ST18: variants seen among roughly 807,000 people sequenced by gnomAD.
The protein encoded by ST18 is suppression of tumorigenicity 18 protein.
Under a neutral mutation model 110.0 loss-of-function variants are expected in ST18, and 50 were observed. That is an observed-to-expected ratio of 0.45 (90% CI 0.36 to 0.58). The LOEUF (loss-of-function observed/expected upper bound fraction) is 0.58. Among genes scored for constraint, ST18 ranks in the 20% least tolerant of loss-of-function variants. The pLI is 0.00. For synonymous variants in ST18, 461 were observed against 452.4 expected (o/e 1.02, Z -0.24); for missense variants, 1,306 against 1,280.1 (o/e 1.02, Z -0.31).
At chr8:52,237,321 T>C (rs1290672053) in intron 2 of ST18, among the ~76,000 whole-genome samples, 1 of 152,222 alleles carries the variant, frequency 6.6e-6, no homozygotes, top group Non-Finnish European at 1.5e-5. Flanking sequence ...AGTAGGATAA[T>C]TTGTTAAGCA....
intron 6 of ST18, among the ~76,000 whole-genome samples, chr8:52,215,789 C>T (rs1487061794): frequency 6.6e-6 from 1 of 152,158 alleles, no homozygotes; most frequent in African/African-American, 2.4e-5. Flanking sequence ...ATGAAAATGG[C>T]TTGGTTTACT....
chr8:52,140,788 T>G (rs1340636303), intron 17 of ST18, among the ~76,000 whole-genome samples: 7 of 152,206 alleles, frequency 4.6e-5, no homozygotes, highest in African/African-American at 1.7e-4. Flanking sequence ...CAGGTTAATT[T>G]TCAATCATTT....
At chr8:52,159,752 G>A (rs1047153921) in intron 14 of ST18, among the ~76,000 whole-genome samples, 1 of 152,154 alleles carries the variant, frequency 6.6e-6, no homozygotes, top group African/African-American at 2.4e-5. Flanking sequence ...GGCAGGAAAT[G>A]TTCTCAAGGT....
chr8:52,271,149 C>T (rs2095062419), intron 2 of ST18, among the ~76,000 whole-genome samples: 2 of 152,190 alleles, frequency 1.3e-5, no homozygotes, highest in Non-Finnish European at 2.9e-5. Flanking sequence ...CCGCCCACCT[C>T]AGCCTCCCAA....
At chr8:52,239,600 GAA>G (rs112823554) in intron 2 of ST18, among the ~76,000 whole-genome samples, 5,197 of 151,438 alleles carry the variant, frequency 0.034, 277 homozygotes, top group African/African-American at 0.12. Flanking sequence ...TTATAAAAAA[GAA>G]AAATACCAAA....
At chr8:52,136,737 A>T in intron 18 of ST18, 79 bp from the exon 19 acceptor site, 5 of 1,228,434 alleles carry the variant, frequency 4.1e-6, no homozygotes, top group Non-Finnish European at 5.7e-6. Context: ...TGAGTCGTGA[A>T]CATACGTTAA....
Position 52,204,679 on chromosome 8 carries a change from G to A in ST18, c.86+7400C>T, listed in dbSNP as rs143497293. ...CTCAGTCAAGAGTGGCAAATTCTGC[G>A]TGTAAAAATATTTATATTACAAGAA... is the stretch of plus-strand genomic sequence containing the variant. On this transcript the variant is annotated intron_variant, in intron 8 of 25. Coordinates refer to ENST00000689386, the MANE Select transcript of ST18 (RefSeq NM_001352837.2). 1.7e-3 allele frequency among the ~76,000 whole-genome samples: 253 copies of A among 152,288 alleles called. 3 individuals carry two copies. The Middle Eastern group carries it at 0.02, about 12-fold the overall frequency.
At chr8:52,239,134 T>A (rs1589123582) in intron 2 of ST18, among the ~76,000 whole-genome samples, 1 of 152,120 alleles carries the variant, frequency 6.6e-6, no homozygotes, top group South Asian at 2.1e-4. Context: ...ATGCCCAGAA[T>A]AAGCAAATCT....
At chr8:52,126,346 T>C (rs1465460083) in intron 22 of ST18, among the ~76,000 whole-genome samples, 1 of 152,260 alleles carries the variant, frequency 6.6e-6, no homozygotes, top group East Asian at 1.9e-4. Flanking sequence ...TTTGCTTTCT[T>C]TCCTTAAATC....
intron 2 of ST18, among the ~76,000 whole-genome samples, chr8:52,235,163 TG>T (rs1333275175): frequency 1.3e-5 from 2 of 151,984 alleles, no homozygotes; most frequent in Admixed American, 1.3e-4. Context: ...ACACGATGAA[TG>T]CCACTTAAAA....
At position 52,409,750 on chromosome 8, in the gene ST18, T is replaced by C. The variant is rs944002491; in HGVS notation, c.-792A>G. On this transcript the variant is annotated 5_prime_UTR_variant, in exon 1 of 26. An upstream start codon of the reference 5' UTR is lost. Coordinates refer to ENST00000689386, the MANE Select transcript of ST18 (RefSeq NM_001352837.2). ...CCCTTCTCCCTACAAAAAGGTTCCATAGAATCAGAACGCAGAGGCGCTGCA... is the reference window on the plus strand; with the variant it reads ...CCCTTCTCCCTACAAAAAGGTTCCACAGAATCAGAACGCAGAGGCGCTGCA... 3.9e-5 allele frequency: 6 copies of C among 152,274 alleles called. No individual in the cohort carries two copies. Among genetic ancestry groups the C allele is most frequent in the Non-Finnish European group, 7.3e-5 (5 of 68,046 alleles). The allele number at this position is 152,274 out of a possible 1,614,324, so 9.4% of individuals were successfully genotyped here. A position where few individuals can be genotyped will look rare whatever the true frequency, so the allele number is the denominator to read the frequency against.
chr8:52,188,546 C>T (rs1185742903), intron 8 of ST18, among the ~76,000 whole-genome samples: 1 of 152,200 alleles, frequency 6.6e-6, no homozygotes, highest in Non-Finnish European at 1.5e-5. Context: ...GGAACTTTGA[C>T]TCAGTGAGAT....
chr8:52,401,912 C>A (rs1188391065), intron 2 of ST18, among the ~76,000 whole-genome samples: 2 of 152,106 alleles, frequency 1.3e-5, no homozygotes, highest in East Asian at 3.9e-4. Flanking sequence ...GGAACAGTTG[C>A]CTCTTCTAAT....
chr8:52,248,635 A>G (rs1484462801), intron 2 of ST18: 1 of 152,182 alleles, frequency 6.6e-6, no homozygotes, highest in Non-Finnish European at 1.5e-5. Context: ...TTACACTTCA[A>G]TCCTGCAAAC....
intron 2 of ST18, among the ~76,000 whole-genome samples, chr8:52,306,677 T>C (rs1019589784): frequency 6.6e-6 from 1 of 152,132 alleles, no homozygotes; most frequent in Admixed American, 6.5e-5. Flanking sequence ...TGCTGGAATG[T>C]GGTGGCCCAG....
intron 5 of ST18, among the ~76,000 whole-genome samples, chr8:52,220,083 T>C: frequency 6.6e-6 from 1 of 152,224 alleles, no homozygotes; most frequent in East Asian, 1.9e-4. Flanking sequence ...TCTCCAGCTT[T>C]ACGTTTTAGA....
At position 52,116,351 on chromosome 8, in the gene ST18, T is replaced by C; in HGVS notation, c.2927A>G (p.Glu976Gly). Reference protein sequence around the residue: ...EENKLIEQNNESLLKELAGLS... With the variant: ...EENKLIEQNNGSLLKELAGLS... ...ACCTGCCAGCTCTTTCAGCAGACTT[T>C]CATTGTTCTGTTCTATGAGTTTGTT... is the stretch of plus-strand genomic sequence containing the variant. The change falls in exon 25 of 26, where the codon GAA becomes GGA. Residue 976 changes from glutamate to glycine, a missense_variant. Transcript: ENST00000689386. 1 of 1,614,042 alleles carries C rather than the reference T, an allele frequency of 6.2e-7. No homozygotes were observed.
chr8:52,186,857 G>A (rs2072492526), intron 8 of ST18, among the ~76,000 whole-genome samples: 1 of 152,188 alleles, frequency 6.6e-6, no homozygotes, highest in African/African-American at 2.4e-5. Flanking sequence ...CGGAGTCAGG[G>A]ATGATGACTT....
intron 2 of ST18, among the ~76,000 whole-genome samples, chr8:52,302,107 A>G (rs1048866848): frequency 5.9e-5 from 9 of 152,224 alleles, no homozygotes; most frequent in Non-Finnish European, 1.2e-4. Context: ...GGAGGAAGGC[A>G]TCCACATGGG....
Sources: allele counts gnomAD v4.1 joint callset (sites outside exome capture counted in the v4.1 genomes callset), GRCh38; gene constraint gnomAD v4.1.1; transcripts MANE v1.5; gene names NCBI Gene and HGNC (gene_info 2026-07-23, HGNC 2026-07-21).